Variants in XRN1 observed in about 807,000 individuals in gnomAD.
XRN1 encodes the protein 5'-3' exoribonuclease 1, also known as strand-exchange protein 1 homolog.
In XRN1, 67 loss-of-function variants were observed where a neutral mutation model predicts 222.3. The observed-to-expected ratio is 0.30, with a 90% CI of 0.25 to 0.37. The LOEUF is 0.37. Among genes scored for constraint, XRN1 ranks in the 10% least tolerant of loss-of-function variants. The pLI is 1.00. For synonymous variants in XRN1, 643 were observed against 652.4 expected, an observed-to-expected ratio of 0.99 and a Z score of 0.22; for missense variants, 1,707 against 2,000.2, an observed-to-expected ratio of 0.85 and a Z score of 2.80.
rs1478391671 is a variant in XRN1 at position 142,405,029 on chromosome 3, C to A, written c.1761G>T (p.Lys587Asn). Residue 587 changes from lysine (K) to asparagine (N), a missense_variant, in exon 16 of 41, where the codon AAG becomes AAT. Physicochemically the swap from Lys to Asn is moderately conservative, Grantham distance 94 (BLOSUM62 0). Coordinates refer to ENST00000392981, the MANE Select transcript of XRN1 (RefSeq NM_001282857.2). ...AMETCNHSLK[K>N]EERKRNQHSE... is the part of the protein sequence containing the mutation. Reference sequence around the variant, plus strand: ...TATGTTGGTTTCTTTTCCTCTCTTCCTTTTTGAGGGAGTGGTTACATGTCT... The same window carrying A: ...TATGTTGGTTTCTTTTCCTCTCTTCATTTTTGAGGGAGTGGTTACATGTCT... The A allele has an allele frequency of 6.2e-7, 1 of 1,613,946 alleles. No homozygotes were observed. The highest frequency in any genetic ancestry group is 2.2e-5 in the East Asian group (1 of 44,866).
intron 1 of XRN1, among the ~76,000 whole-genome samples, chr3:142,438,895 T>G (rs894622098): frequency 1.3e-5 from 2 of 152,068 alleles, no homozygotes; most frequent in East Asian, 3.9e-4. Context: ...AGAGTCTACC[T>G]CCCTATTCCA....
At chr3:142,414,369 AT>A (rs1196389013) in intron 13 of XRN1, 78 bp from the exon 14 acceptor site, 113 of 1,103,302 alleles carry the variant, frequency 1.0e-4, no homozygotes, top group Non-Finnish European at 3.6e-6. Context: ...TTTTCCCCAT[AT>A]TTTAACAACA....
chr3:142,381,071 T>A (rs1206104903), intron 22 of XRN1, among the ~76,000 whole-genome samples: 1 of 149,666 alleles, frequency 6.7e-6, no homozygotes, highest in Non-Finnish European at 1.5e-5. Flanking sequence ...CTGCATTCTA[T>A]CCTGGGTAAT....
In XRN1 at chr3:142,433,231, T is replaced by G. The variant is rs576235967; in HGVS notation, c.76-338A>C. The stretch of plus-strand genomic sequence containing the variant: ...TTCGTTCCTTCCTACCATTTGACAT[T>G]AACTCCTCAAAACCTCAATTTCCTC... On this transcript the variant is annotated intron_variant, in intron 1 of 40. Transcript: ENST00000392981. 2.0e-5 allele frequency among the ~76,000 whole-genome samples: 3 copies of G among 152,296 alleles called. No homozygotes were observed. In the South Asian group the frequency reaches 6.2e-4, roughly 32 times the overall value.
intron 1 of XRN1, among the ~76,000 whole-genome samples, chr3:142,439,698 G>GT (rs931093262): frequency 6.6e-6 from 1 of 151,594 alleles, no homozygotes; most frequent in East Asian, 1.9e-4. Context: ...TGGCAACCTT[G>GT]TTTTTTTATA....
At chr3:142,423,663 A>T (rs778831075) in intron 5 of XRN1, 21 bp from the exon 6 acceptor site, 1 of 1,544,028 alleles carries the variant, frequency 6.5e-7, no homozygotes, top group Non-Finnish European at 8.7e-7. Flanking sequence ...ATGATTAAGA[A>T]ATGTTTTTAT....
intron 39 of XRN1, among the ~76,000 whole-genome samples, chr3:142,313,493 C>A (rs1255653997): frequency 6.6e-6 from 1 of 152,100 alleles, no homozygotes; most frequent in Non-Finnish European, 1.5e-5. Context: ...TTGAAAACTA[C>A]ATTAAACAGT....
At chr3:142,410,053 A>G (rs1385120326) in intron 15 of XRN1, among the ~76,000 whole-genome samples, 3 of 152,204 alleles carry the variant, frequency 2.0e-5, no homozygotes, top group Non-Finnish European at 4.4e-5. Flanking sequence ...GATTTCTTAG[A>G]ATTTTTACAT....
intron 15 of XRN1, among the ~76,000 whole-genome samples, chr3:142,410,874 G>A (rs1468146211): frequency 6.6e-6 from 1 of 152,046 alleles, no homozygotes; most frequent in African/African-American, 2.4e-5. Flanking sequence ...TTAATGCCAT[G>A]TCAAATTTGG....
intron 1 of XRN1, chr3:142,435,406 A>G (rs2069839281): frequency 6.6e-6 from 1 of 151,664 alleles, no homozygotes; most frequent in African/African-American, 2.4e-5. Flanking sequence ...TCAAAAAAAA[A>G]AAAAAGAAGT....
intron 1 of XRN1, among the ~76,000 whole-genome samples, chr3:142,440,832 T>G (rs1362655346): frequency 1.3e-5 from 2 of 152,192 alleles, no homozygotes; most frequent in Admixed American, 6.5e-5. Context: ...CTCTCAATTC[T>G]TGTTTGCCTT....
chr3:142,431,912 A>ATTATATAT (rs1491093935), intron 2 of XRN1, among the ~76,000 whole-genome samples: 11 of 41,354 alleles, frequency 2.7e-4, no homozygotes, highest in Admixed American at 4.0e-4. Context: ...TTATATATAT[A>ATTATATAT]AATATATATA....
intron 39 of XRN1, among the ~76,000 whole-genome samples, chr3:142,318,125 A>C (rs1008652552): frequency 6.6e-6 from 1 of 152,182 alleles, no homozygotes; most frequent in Non-Finnish European, 1.5e-5. Context: ...AACTTAAATA[A>C]ATTATTGGCT....
intron 1 of XRN1, among the ~76,000 whole-genome samples, chr3:142,439,705 T>A (rs908648654): frequency 1.3e-5 from 2 of 151,794 alleles, no homozygotes; most frequent in Non-Finnish European, 2.9e-5. Context: ...CTTGTTTTTT[T>A]ATAATAGAGA....
intron 19 of XRN1, among the ~76,000 whole-genome samples, chr3:142,399,311 A>G (rs2068042959): frequency 6.6e-6 from 1 of 151,976 alleles, no homozygotes; most frequent in South Asian, 2.1e-4. Context: ...AATCAAGCCA[A>G]TGTGTTACTG....
intron 10 of XRN1, chr3:142,420,157 G>C (rs953155715): frequency 2.6e-5 from 4 of 151,688 alleles, no homozygotes; most frequent in African/African-American, 9.7e-5. Flanking sequence ...TTAAAAACTA[G>C]TCCATTGTTT....
Position 142,422,667 on chromosome 3 carries a change from G to T in XRN1, c.882C>A (p.Ile294=), listed in dbSNP as rs1416739560. Residue 294 remains isoleucine (I), a synonymous_variant, in exon 8 of 41, where the codon ATC becomes ATA. Coordinates refer to ENST00000392981, the MANE Select transcript of XRN1 (RefSeq NM_001282857.2). ...TAATATGTAAATGAGGTAGATGAGG[G>T]ATAAAATCATTACCAACAAGAAACC... ...LMGFLVGNDF[I]PHLPHLHINH... 1 of 1,612,122 alleles carries T rather than the reference G, an allele frequency of 6.2e-7. No individual in the cohort carries two copies.
Position 142,414,250 on chromosome 3 carries a change from T to C in XRN1, c.1478A>G (p.His493Arg), listed in dbSNP as rs763591761. The C allele has an allele frequency of 6.2e-7, 1 of 1,613,496 alleles. No individual in the cohort carries two copies. Among genetic ancestry groups the C allele is most frequent in the South Asian group, 1.1e-5 (1 of 90,966 alleles). ...YHYAPFLSDI[H>R]NISTLKIHFE... ...ATGGATTTTGAGTGTACTGATGTTGTGTATATCAGACAGGAAAGGTGCATA... is the reference window on the plus strand; with the variant it reads ...ATGGATTTTGAGTGTACTGATGTTGCGTATATCAGACAGGAAAGGTGCATA... Residue 493 changes from histidine to arginine, a missense_variant, in exon 14 of 41, where the codon CAC (histidine) becomes CGC (arginine). Transcript: ENST00000392981.
intron 14 of XRN1, 46 bp downstream of exon 14, chr3:142,414,089 T>C: frequency 3.4e-6 from 5 of 1,481,680 alleles, no homozygotes; most frequent in Non-Finnish European, 4.5e-6. Context: ...AGGAAGAGCT[T>C]CTAAATATCA....
Sources: gnomAD v4.1 joint callset for allele counts (sites outside exome capture counted in the v4.1 genomes callset) on GRCh38, gnomAD v4.1.1 for gene constraint, MANE v1.5 for transcripts, NCBI Gene and HGNC (gene_info 2026-07-23, HGNC 2026-07-21) for gene names.